The following CSMD1 variants were observed in gnomAD, a reference collection of about 807,000 sequenced individuals.
The protein encoded by CSMD1 is CUB and Sushi multiple domains 1.
A neutral mutation model predicts 417.5 loss-of-function variants in CSMD1; 213 were observed. The observed-to-expected ratio is 0.51, with a 90% CI of 0.46 to 0.57. CSMD1 has a LOEUF of 0.57. CSMD1 is among the 20% of genes least tolerant of loss of function. The pLI is 0.00. For missense variants in CSMD1, 6,923 were observed against 4,529.7 expected (o/e 1.53, Z -15.17); for synonymous variants, 2,862 against 1,736.8 (o/e 1.65, Z -16.11).
chr8:3,229,234 T>G (rs1798687940), intron 27 of CSMD1, among the ~76,000 whole-genome samples: 1 of 152,174 alleles, frequency 6.6e-6, no homozygotes, highest in Admixed American at 6.5e-5. Context: ...ACACATCAAT[T>G]AAATTTTACA....
At chr8:4,985,787 G>A (rs1811147809) in intron 1 of CSMD1, among the ~76,000 whole-genome samples, 1 of 152,032 alleles carries the variant, frequency 6.6e-6, no homozygotes, top group African/African-American at 2.4e-5. Flanking sequence ...GCAACCTCAT[G>A]AATATAGCTG....
chr8:3,252,537 T>A (rs1800347162), intron 26 of CSMD1, among the ~76,000 whole-genome samples: 2 of 152,218 alleles, frequency 1.3e-5, no homozygotes, highest in Admixed American at 6.5e-5. Context: ...TTTTGTTGTG[T>A]GTCTGCCAGG....
At chr8:4,766,377 T>C (rs930351017) in intron 1 of CSMD1, among the ~76,000 whole-genome samples, 1 of 152,182 alleles carries the variant, frequency 6.6e-6, no homozygotes, top group African/African-American at 2.4e-5. Context: ...ATTAGGTTTG[T>C]GGATTGAACG....
At chr8:3,509,710 G>C (rs563291769) in intron 10 of CSMD1, among the ~76,000 whole-genome samples, 57 of 152,112 alleles carry the variant, frequency 3.7e-4, no homozygotes, top group Non-Finnish European at 7.8e-4. Context: ...AGGGCTATTT[G>C]CTTCCTATTA....
chr8:4,021,155 G>A (rs537562010), intron 4 of CSMD1, among the ~76,000 whole-genome samples: 10 of 152,172 alleles, frequency 6.6e-5, no homozygotes, highest in Admixed American at 2.0e-4. Context: ...CAGCTCATGA[G>A]CACGTGAAAT....
chr8:3,223,903 G>T, intron 27 of CSMD1, 36 bp from the exon 28 acceptor site: 1 of 1,608,386 alleles, frequency 6.2e-7, no homozygotes, highest in African/African-American at 1.3e-5. Context: ...AAAAAGTAAG[G>T]ACAGCGAAGA....
At chr8:4,315,300 T>C (rs1268604878) in intron 3 of CSMD1, among the ~76,000 whole-genome samples, 2 of 152,154 alleles carry the variant, frequency 1.3e-5, no homozygotes, top group Admixed American at 1.3e-4. Context: ...GGAGACCCTT[T>C]TACCCTAAGG....
chr8:4,991,747 C>A (rs563632176), intron 1 of CSMD1, among the ~76,000 whole-genome samples: 1 of 152,332 alleles, frequency 6.6e-6, no homozygotes, highest in East Asian at 1.9e-4. Flanking sequence ...GGGAACGCGA[C>A]GCCGCCCCAA....
chr8:4,569,713 C>G (rs1337353845), intron 2 of CSMD1, among the ~76,000 whole-genome samples: 1 of 152,048 alleles, frequency 6.6e-6, no homozygotes, highest in Non-Finnish European at 1.5e-5. Flanking sequence ...AGCATTGAAT[C>G]TATATATTAC....
intron 2 of CSMD1, among the ~76,000 whole-genome samples, chr8:4,620,865 TAGAAG>T (rs1290128534): frequency 6.6e-6 from 1 of 150,796 alleles, no homozygotes; most frequent in Admixed American, 6.6e-5. Flanking sequence ...CCAAAATAAA[TAGAAG>T]AGTGAAAATA....
intron 7 of CSMD1, among the ~76,000 whole-genome samples, chr8:3,632,265 T>C (rs1404954299): frequency 6.6e-6 from 1 of 152,194 alleles, no homozygotes; most frequent in Non-Finnish European, 1.5e-5. Context: ...TAATGCATCT[T>C]AAATCAACAG....
At chr8:3,468,961 C>T (rs1171752245) in intron 11 of CSMD1, 137 bp from the exon 12 acceptor site, 1 of 581,614 alleles carries the variant, frequency 1.7e-6, no homozygotes, top group Non-Finnish European at 3.1e-6. Flanking sequence ...AAAGACTGTA[C>T]AGCCTCTGGT....
At chr8:4,437,821 C>T (rs919485316) in intron 2 of CSMD1, among the ~76,000 whole-genome samples, 3 of 152,100 alleles carry the variant, frequency 2.0e-5, no homozygotes, top group Non-Finnish European at 2.9e-5. Flanking sequence ...GGTTGATGGG[C>T]TTGTCTGTAA....
At chr8:3,270,223 T>A (rs1346437399) in intron 26 of CSMD1, among the ~76,000 whole-genome samples, 1 of 152,096 alleles carries the variant, frequency 6.6e-6, no homozygotes, top group Non-Finnish European at 1.5e-5. Context: ...CTAATTTTTT[T>A]ATCTTTTTAT....
intron 3 of CSMD1, among the ~76,000 whole-genome samples, chr8:4,217,815 C>G (rs917103579): frequency 6.6e-6 from 1 of 152,070 alleles, no homozygotes; most frequent in East Asian, 1.9e-4. Context: ...GTCGATCACC[C>G]TCTCAAGTAA....
chr8:4,272,260 T>A (rs754916808), intron 3 of CSMD1, among the ~76,000 whole-genome samples: 6 of 152,214 alleles, frequency 3.9e-5, no homozygotes, highest in Non-Finnish European at 7.3e-5. Flanking sequence ...TCTTCGAATC[T>A]GGGACTTTAA....
In CSMD1 at chr8:3,108,646, G is replaced by A; in HGVS notation, c.6711C>T (p.His2237=). The change falls in exon 44 of 70, where the codon CAC becomes CAT. Residue 2237 remains histidine (H), a synonymous_variant. Transcript: ENST00000635120. ...SSTNQVLLKF[H]SDFSNGGFFV... ...AGAAGCCTCCATTTGAAAAGTCGCT[G>A]TGGAACTTGAGCAGGACTTGGTTGG... The A allele has an allele frequency of 6.2e-7, 1 of 1,613,834 alleles. No individual in the cohort carries two copies. Among genetic ancestry groups the A allele is most frequent in the Non-Finnish European group, 8.5e-7 (1 of 1,179,836 alleles).
intron 5 of CSMD1, among the ~76,000 whole-genome samples, chr8:3,870,523 G>C (rs574593414): frequency 6.6e-6 from 1 of 152,038 alleles, no homozygotes; most frequent in Non-Finnish European, 1.5e-5. Flanking sequence ...CCGTTTGAGA[G>C]CTATGGTCAA....
intron 2 of CSMD1, among the ~76,000 whole-genome samples, chr8:4,461,070 G>C (rs1004326874): frequency 2.0e-5 from 3 of 152,060 alleles, no homozygotes; most frequent in African/African-American, 4.8e-5. Flanking sequence ...CTGTGTCCAA[G>C]TGCTATTTAT....
Sources: gnomAD v4.1 joint callset for allele counts (sites outside exome capture counted in the v4.1 genomes callset) on GRCh38, gnomAD v4.1.1 for gene constraint, MANE v1.5 for transcripts, NCBI Gene and HGNC (gene_info 2026-07-23, HGNC 2026-07-21) for gene names.